SYN3: variants seen among roughly 807,000 people sequenced by gnomAD.
SYN3 encodes synapsin III, also known as synapsin-3.
SYN3 carries 35 observed loss-of-function variants against 65.8 expected under a neutral mutation model. That is an observed-to-expected ratio of 0.53 (90% CI 0.41 to 0.70). The LOEUF (loss-of-function observed/expected upper bound fraction) is 0.70, where lower values mean the gene tolerates loss of function less well. Ranked by LOEUF, SYN3 falls within the 30% of genes least tolerant of loss-of-function variation. The probability of loss-of-function intolerance (pLI) is 0.00; values close to 1 mark genes in which losing one functional copy is unlikely to be tolerated. For missense variants in SYN3, 680 were observed against 749.0 expected, an observed-to-expected ratio of 0.91 and a Z score of 1.08; for synonymous variants, 270 against 292.9, an observed-to-expected ratio of 0.92 and a Z score of 0.80.
At chr22:32,564,767 T>C (rs1385127778) in intron 7 of SYN3, among the ~76,000 whole-genome samples, 2 of 133,452 alleles carry the variant, frequency 1.5e-5, no homozygotes, top group African/African-American at 5.8e-5. Flanking sequence ...GCTCCCGCAT[T>C]GTACCCAAAC....
intron 4 of SYN3, among the ~76,000 whole-genome samples, chr22:32,882,128 G>A (rs554068990): frequency 7.9e-5 from 12 of 151,848 alleles, no homozygotes; most frequent in African/African-American, 2.9e-4. Flanking sequence ...TGTCTGTGAC[G>A]GGACCTGGGC....
intron 3 of SYN3, among the ~76,000 whole-genome samples, chr22:32,949,453 A>G (rs1056137768): frequency 6.6e-6 from 1 of 151,366 alleles, no homozygotes; most frequent in Admixed American, 6.6e-5. Flanking sequence ...AGTATTCTGG[A>G]TTTTGGATTT....
At chr22:32,929,555 T>C (rs28651681) in intron 4 of SYN3, among the ~76,000 whole-genome samples, 1 of 152,216 alleles carries the variant, frequency 6.6e-6, no homozygotes, top group Non-Finnish European at 1.5e-5. Context: ...TTCCTTTACA[T>C]AGGATTTGCT....
chr22:33,012,393 C>T (rs1188320994), intron 1 of SYN3, among the ~76,000 whole-genome samples: 4 of 152,004 alleles, frequency 2.6e-5, no homozygotes, highest in Non-Finnish European at 2.9e-5. Context: ...AAACCTTTGC[C>T]GTTCATTAAG....
At chr22:33,034,677 C>A (rs2053820373) in intron 1 of SYN3, among the ~76,000 whole-genome samples, 1 of 152,094 alleles carries the variant, frequency 6.6e-6, no homozygotes, top group Non-Finnish European at 1.5e-5. Context: ...TTACAAGCAC[C>A]ATATCATCAT....
At chr22:32,604,308 C>G (rs1601738414) in intron 6 of SYN3, among the ~76,000 whole-genome samples, 3 of 152,366 alleles carry the variant, frequency 2.0e-5, no homozygotes, top group Middle Eastern at 3.4e-3. Flanking sequence ...AAGGCTCTGC[C>G]TGATCCAGCT....
At chr22:32,551,988 C>T (rs1402995053) in intron 7 of SYN3, among the ~76,000 whole-genome samples, 1 of 152,338 alleles carries the variant, frequency 6.6e-6, no homozygotes, top group East Asian at 1.9e-4. Context: ...CGGTGGCTCA[C>T]GTCTGTAATC....
At chr22:32,713,602 G>A (rs1344324945) in intron 6 of SYN3, among the ~76,000 whole-genome samples, 2 of 152,090 alleles carry the variant, frequency 1.3e-5, no homozygotes, top group Non-Finnish European at 2.9e-5. Flanking sequence ...AGGCCGAGGC[G>A]GGCGGATCAC....
At chr22:32,849,330 T>G (rs2048153927) in intron 6 of SYN3, 7 of 781,330 alleles carry the variant, frequency 9.0e-6, no homozygotes, top group Middle Eastern at 3.4e-4. Context: ...TCTATTCCAG[T>G]TGGCTCCAAG....
intron 6 of SYN3, among the ~76,000 whole-genome samples, chr22:32,619,382 T>G (rs2059564540): frequency 6.6e-6 from 1 of 151,902 alleles, no homozygotes; most frequent in African/African-American, 2.4e-5. Context: ...TACATAGGAG[T>G]TCCACCCCTG....
chr22:32,648,172 A>C (rs2060011055), intron 6 of SYN3, among the ~76,000 whole-genome samples: 1 of 151,642 alleles, frequency 6.6e-6, no homozygotes, highest in Non-Finnish European at 1.5e-5. Context: ...AGCTTTTGAG[A>C]CTCTATTAAG....
At chr22:32,525,498 G>A (rs1228715473) in intron 12 of SYN3, among the ~76,000 whole-genome samples, 1 of 152,104 alleles carries the variant, frequency 6.6e-6, no homozygotes, top group African/African-American at 2.4e-5. Context: ...ACGAGGTCGG[G>A]AGATCGAGAC....
At position 32,942,527 on chromosome 22, in the gene SYN3, A is replaced by C. The variant is rs372857918; in HGVS notation, c.370-11046T>G. Reference sequence around the variant, plus strand: ...AGAGCAGAAAAGCTGAAAATTCTAGAAATCAGAGCGCCTCTTCTCCTCCAA... The same window carrying C: ...AGAGCAGAAAAGCTGAAAATTCTAGCAATCAGAGCGCCTCTTCTCCTCCAA... On this transcript the variant is annotated intron_variant, in intron 3 of 13. Transcript: ENST00000358763. Among the ~76,000 whole-genome samples the C allele has an allele frequency of 3.2e-3, 494 of 152,348 alleles. 1 individual carries two copies. Among genetic ancestry groups the C allele is most frequent in the South Asian group, 6.8e-3 (33 of 4,830 alleles).
intron 1 of SYN3, among the ~76,000 whole-genome samples, chr22:33,044,833 A>AGAT (rs2054029727): frequency 6.7e-6 from 1 of 148,736 alleles, no homozygotes; most frequent in Admixed American, 6.9e-5. Flanking sequence ...CAACCTTCCC[A>AGAT]GATGATTCTT....
At chr22:32,601,133 T>C (rs1159317195) in intron 6 of SYN3, among the ~76,000 whole-genome samples, 2 of 152,256 alleles carry the variant, frequency 1.3e-5, no homozygotes, top group Non-Finnish European at 2.9e-5. Context: ...GTAGGTGCTG[T>C]ATCTGTATTT....
intron 6 of SYN3, among the ~76,000 whole-genome samples, chr22:32,625,360 C>T (rs1235194721): frequency 6.6e-6 from 1 of 152,182 alleles, no homozygotes; most frequent in East Asian, 1.9e-4. Flanking sequence ...CACGTTTCTG[C>T]AGGCAAGACC....
At position 33,027,637 on chromosome 22, in the gene SYN3, CAGAG is replaced by C. The variant is rs1556196417; in HGVS notation, c.-162-20817_-162-20814del. ...AAAGAAGGAAAGACAGACAGACAGA[CAGAG>C]AGAGAGAGAGAAAGAAAAGAAAGAA... On this transcript the variant is annotated intron_variant, in intron 1 of 13. Transcript: ENST00000358763. Among the ~76,000 whole-genome samples, 428 of 149,738 alleles carry C rather than the reference CAGAG, an allele frequency of 2.9e-3. 2 individuals carry two copies. The highest frequency in any genetic ancestry group is 4.9e-3 in the Non-Finnish European group (332 of 67,424).
chr22:32,865,141 A>C (rs1216545653), intron 5 of SYN3, 137 bp from the exon 6 acceptor site: 1 of 670,498 alleles, frequency 1.5e-6, no homozygotes, highest in Non-Finnish European at 2.7e-6. Context: ...TGCCTATAGG[A>C]TAAAGACCAG....
At chr22:32,656,582 T>C (rs1310123191) in intron 6 of SYN3, among the ~76,000 whole-genome samples, 1 of 152,162 alleles carries the variant, frequency 6.6e-6, no homozygotes, top group Non-Finnish European at 1.5e-5. Context: ...TAGTCAATGT[T>C]TAACATTCAG....
Sources: allele counts gnomAD v4.1 joint callset (sites outside exome capture counted in the v4.1 genomes callset), GRCh38; gene constraint gnomAD v4.1.1; transcripts MANE v1.5; gene names NCBI Gene and HGNC (gene_info 2026-07-23, HGNC 2026-07-21).